Variants in TCN2 observed in about 807,000 individuals in gnomAD.
TCN2 encodes transcobalamin 2.
In TCN2, 34 loss-of-function variants were observed where a neutral mutation model predicts 48.6. That is an observed-to-expected ratio of 0.70 (90% confidence interval 0.53 to 0.93). The LOEUF (loss-of-function observed/expected upper bound fraction) is 0.93. TCN2 is among the 40% of genes least tolerant of loss of function. TCN2 has a pLI of 0.00. For synonymous variants in TCN2, 283 were observed against 212.5 expected, an observed-to-expected ratio of 1.33 and a Z score of -2.89; for missense variants, 652 against 526.1, an observed-to-expected ratio of 1.24 and a Z score of -2.34.
chr22:30,619,215 C>T lies in TCN2; in HGVS notation c.1106+1720C>T, dbSNP rs571539240. ...TAGCCTCCCAGGTAGCTGGGAACAACAGGCATGCGCCACCACGCTTGGCAA... is the reference window on the plus strand; with the variant it reads ...TAGCCTCCCAGGTAGCTGGGAACAATAGGCATGCGCCACCACGCTTGGCAA... On this transcript the variant is annotated intron_variant, in intron 7 of 8. Coordinates refer to ENST00000215838, the MANE Select transcript of TCN2 (RefSeq NM_000355.4). Among the ~76,000 whole-genome samples, 185 of 152,332 alleles carry T rather than the reference C, an allele frequency of 1.2e-3. 1 individual carries two copies. Among genetic ancestry groups the T allele is most frequent in the African/African-American group, 4.0e-3 (166 of 41,574 alleles).
chr22:30,617,872 G>A (rs1467806105), intron 7 of TCN2, among the ~76,000 whole-genome samples: 1 of 152,194 alleles, frequency 6.6e-6, no homozygotes, highest in African/African-American at 2.4e-5. Context: ...ATATGTGCAA[G>A]GTCCAGCACA....
intron 2 of TCN2, among the ~76,000 whole-genome samples, chr22:30,612,580 T>A (rs1025628130): frequency 6.6e-6 from 1 of 151,500 alleles, no homozygotes; most frequent in Non-Finnish European, 1.5e-5. Context: ...AATAAAAAAA[T>A]AAAAAAGGAG....
At chr22:30,626,290 G>C (rs539518439) in intron 8 of TCN2, among the ~76,000 whole-genome samples, 170 bp from the exon 9 acceptor site, 1 of 152,248 alleles carries the variant, frequency 6.6e-6, no homozygotes, top group South Asian at 2.1e-4. Context: ...CCTGTGGGAA[G>C]CTGAGTTCAG....
Position 30,615,320 on chromosome 22 carries a change from C to T in TCN2, c.600C>T (p.Gly200=). ...HHSVDTAAMA[G]LAFTCLKRSN... is the part of the protein sequence containing the mutation. Reference sequence around the variant, plus strand: ...TTCAAGACACAGCAGCCATGGCAGGCTTGGCATTCACCTGTCTGAAGCGCT... The same window carrying T: ...TTCAAGACACAGCAGCCATGGCAGGTTTGGCATTCACCTGTCTGAAGCGCT... Residue 200 remains glycine (G), a synonymous_variant, in exon 5 of 9, where the codon GGC becomes GGT. Coordinates refer to ENST00000215838, the MANE Select transcript of TCN2 (RefSeq NM_000355.4). The T allele has an allele frequency of 6.2e-7, 1 of 1,614,192 alleles. No homozygotes were observed.
In TCN2 at chr22:30,623,917, CATAT is replaced by C. The variant is rs67347003; in HGVS notation, c.1222+839_1222+842del. On this transcript the variant is annotated intron_variant, in intron 8 of 8. Coordinates refer to ENST00000215838, the MANE Select transcript of TCN2 (RefSeq NM_000355.4). Reference sequence around the variant, plus strand: ...ATATATGTATACATATATATACACACATATATATGTATACATATATACACACACA... The same window carrying C: ...ATATATGTATACATATATATACACACATATGTATACATATATACACACACA... Among the ~76,000 whole-genome samples, 7 of 38,674 alleles carry C rather than the reference CATAT, an allele frequency of 1.8e-4. 1 individual carries two copies. In the South Asian group the frequency reaches 3.0e-3, roughly 17 times the overall value. 25.4% of individuals were successfully genotyped at this position (38,674 alleles called of 152,430 possible). A position where few individuals can be genotyped will look rare whatever the true frequency, so the allele number is the denominator to read the frequency against.
Position 30,623,010 on chromosome 22 carries a change from C to T in TCN2, c.1149C>T (p.Ser383=), listed in dbSNP as rs770090669. Reference sequence around the variant, plus strand: ...CCTTGTCAGGCCCCTACTTAACCTCCGTGATGGGGAAAGCGGCCGGAGAAA... The same window carrying T: ...CCTTGTCAGGCCCCTACTTAACCTCTGTGATGGGGAAAGCGGCCGGAGAAA... ...QASLSGPYLT[S]VMGKAAGERE... The change falls in exon 8 of 9, where the codon TCC becomes TCT. Residue 383 remains serine (S), a synonymous_variant. Coordinates refer to ENST00000215838, the MANE Select transcript of TCN2 (RefSeq NM_000355.4). 15 of 1,614,104 alleles carry T rather than the reference C, an allele frequency of 9.3e-6. No homozygotes were observed. The highest frequency in any genetic ancestry group is 6.7e-5 in the Admixed American group (4 of 60,004).
In TCN2 at chr22:30,613,036, G is replaced by A. The variant is rs762973293; in HGVS notation, c.421G>A (p.Ala141Thr). The A allele has an allele frequency of 5.0e-6, 8 of 1,613,842 alleles. No individual in the cohort carries two copies. The Admixed American group carries it at 6.7e-5, about 13-fold the overall frequency. ...ATGGTTCCTGGAGGATGAGAAGAGAGCCATTGGTGAGCAGACACCATCCGC... is the reference window on the plus strand; with the variant it reads ...ATGGTTCCTGGAGGATGAGAAGAGAACCATTGGTGAGCAGACACCATCCGC... ...LKWFLEDEKR[A>T]IGHDHKGHPH... The change falls in exon 3 of 9, where the codon GCC becomes ACC. Residue 141 changes from alanine to threonine, a missense_variant. Physicochemically the swap from Ala to Thr is moderately conservative, Grantham distance 58. Coordinates refer to ENST00000215838, the MANE Select transcript of TCN2 (RefSeq NM_000355.4).
Position 30,614,371 on chromosome 22 carries a change from CCA to C in TCN2, c.454_455del (p.Thr152Ter). 1 of 1,614,170 alleles carries C rather than the reference CCA, an allele frequency of 6.2e-7. No homozygotes were observed. Among genetic ancestry groups the C allele is most frequent in the Non-Finnish European group, 8.5e-7 (1 of 1,180,024 alleles). On this transcript the variant is annotated frameshift_variant, in exon 4 of 9. Transcript: ENST00000215838. LOFTEE classifies it high-confidence loss of function. The part of the protein sequence containing the change: ...AIGHDHKGHP[H>X]TSYYQYGLGI... ...CAGGGCATGATCACAAGGGCCACCC[CCA>C]CACTAGCTACTACCAGTATGGCCTG...
At chr22:30,613,563 G>A (rs2087571033) in intron 3 of TCN2, among the ~76,000 whole-genome samples, 2 of 152,208 alleles carry the variant, frequency 1.3e-5, no homozygotes, top group South Asian at 4.1e-4. Flanking sequence ...ACAGGCATGA[G>A]CCACTGCGTT....
intron 1 of TCN2, 73 bp from the exon 2 acceptor site, chr22:30,610,798 C>T: frequency 6.5e-7 from 1 of 1,544,142 alleles, no homozygotes; most frequent in East Asian, 2.3e-5. Context: ...GGAGAAGGCC[C>T]TGGTAACGTC....
chr22:30,623,919 T>TATATATGTACATATATACACACAC lies in TCN2; in HGVS notation c.1222+845_1222+846insCATATATACACACACATATATGTA, dbSNP rs2087754452. On this transcript the variant is annotated intron_variant, in intron 8 of 8. Coordinates refer to ENST00000215838, the MANE Select transcript of TCN2 (RefSeq NM_000355.4). ...ATATGTATACATATATATACACACA[T>TATATATGTACATATATACACACAC]ATATATGTATACATATATACACACA... Among the ~76,000 whole-genome samples, 2 of 11,930 alleles carry TATATATGTACATATATACACACAC rather than the reference T, an allele frequency of 1.7e-4. 1 individual carries two copies. Among genetic ancestry groups the TATATATGTACATATATACACACAC allele is most frequent in the Non-Finnish European group, 3.1e-4 (2 of 6,400 alleles). The allele number at this position is 11,930 out of a possible 152,430, so 7.8% of individuals were successfully genotyped here. A position where few individuals can be genotyped will look rare whatever the true frequency, so the allele number is the denominator to read the frequency against.
intron 4 of TCN2, among the ~76,000 whole-genome samples, chr22:30,615,056 T>G (rs2087592427): frequency 6.6e-6 from 1 of 152,216 alleles, no homozygotes; most frequent in African/African-American, 2.4e-5. Flanking sequence ...TGCAGAGTGA[T>G]CAGCCAAACC....
chr22:30,613,892 C>T (rs921856498), intron 3 of TCN2, among the ~76,000 whole-genome samples: 4 of 152,198 alleles, frequency 2.6e-5, no homozygotes, highest in Non-Finnish European at 5.9e-5. Context: ...GCCATACCAT[C>T]TCTCAACTCA....
At chr22:30,620,113 C>T (rs1032889866) in intron 7 of TCN2, among the ~76,000 whole-genome samples, 6 of 151,890 alleles carry the variant, frequency 4.0e-5, no homozygotes, top group East Asian at 1.9e-4. Flanking sequence ...GCTATGATGA[C>T]GTCACTGTCC....
intron 2 of TCN2, among the ~76,000 whole-genome samples, chr22:30,611,962 C>CAT (rs1417340676): frequency 6.6e-6 from 1 of 152,032 alleles, no homozygotes; most frequent in Non-Finnish European, 1.5e-5. Context: ...GAAGACTAGG[C>CAT]ATAGTGGCTC....
intron 1 of TCN2, chr22:30,610,128 CG>C (rs2087513841): frequency 2.2e-6 from 1 of 456,692 alleles, no homozygotes; most frequent in African/African-American, 2.0e-5. Context: ...TGAGTATTTT[CG>C]TTGCACAGCT....
chr22:30,615,856 G>A (rs1490593393), intron 6 of TCN2, 69 bp downstream of exon 6: 1 of 1,593,562 alleles, frequency 6.3e-7, no homozygotes, highest in Non-Finnish European at 8.6e-7. Context: ...TCCCAGTGAG[G>A]GGAGGTTGCT....
intron 6 of TCN2, 33 bp from the exon 7 acceptor site, chr22:30,617,297 C>G: frequency 1.9e-6 from 3 of 1,613,994 alleles, no homozygotes; most frequent in Non-Finnish European, 2.5e-6. Context: ...TCTGTCCTCA[C>G]ACCAGCTGCC....
At chr22:30,622,082 G>A (rs999388142) in intron 7 of TCN2, among the ~76,000 whole-genome samples, 1 of 152,196 alleles carries the variant, frequency 6.6e-6, no homozygotes, top group Non-Finnish European at 1.5e-5. Context: ...CTACGTCCCG[G>A]GTTCAAGCGG....
Sources: allele counts gnomAD v4.1 joint callset (sites outside exome capture counted in the v4.1 genomes callset), GRCh38; gene constraint gnomAD v4.1.1; transcripts MANE v1.5; gene names NCBI Gene and HGNC (gene_info 2026-07-23, HGNC 2026-07-21).